The following DPCD variants were observed in gnomAD, a reference collection of about 807,000 sequenced individuals.
The protein encoded by DPCD is deleted in primary ciliary dyskinesia homolog (mouse), also known as protein DPCD.
A neutral mutation model predicts 26.4 loss-of-function variants in DPCD; 20 were observed. That is an observed-to-expected ratio of 0.76 (90% CI 0.53 to 1.10). DPCD has a LOEUF of 1.10. Ranked by LOEUF, DPCD falls within the 50% of genes least tolerant of loss-of-function variation. DPCD has a pLI of 0.00. For missense variants in DPCD, 202 were observed against 253.9 expected (o/e 0.80, Z 1.39); for synonymous variants, 97 against 94.2 (o/e 1.03, Z -0.17).
Position 101,588,329 on chromosome 10 carries a change from G to C in DPCD, c.-8G>C. 2 of 1,600,396 alleles carry C rather than the reference G, an allele frequency of 1.2e-6. No individual in the cohort carries two copies. On this transcript the variant is annotated 5_prime_UTR_variant, in exon 1 of 6. Transcript: ENST00000370151. ...CAGCGGCTGGGCGTGCTGCTTAGCA[G>C]GGGAAAGATGGCGGTGACGGGCTGG... is the stretch of plus-strand genomic sequence containing the variant.
rs1010968768 is a variant in DPCD, at chr10:101,603,634, G to A, written c.404+2298G>A. ...TAGCCAGGCGTGGTGGTGCATGCCT[G>A]TAGTCCCAGCTACTCGGGAGGCTGA... On this transcript the variant is annotated intron_variant, in intron 4 of 5. Coordinates refer to ENST00000370151, the MANE Select transcript of DPCD (RefSeq NM_015448.3). This position sits in a 1 kb window ranked among gnomAD's most constrained non-coding sequence, Gnocchi z 4.6. Among the ~76,000 whole-genome samples, 5 of 151,892 alleles carry A rather than the reference G, an allele frequency of 3.3e-5. No homozygotes were observed. The highest frequency in any genetic ancestry group is 7.4e-5 in the Non-Finnish European group (5 of 67,982).
intron 4 of DPCD, among the ~76,000 whole-genome samples, chr10:101,608,101 AT>A (rs747018005): frequency 1.2e-3 from 172 of 146,902 alleles, no homozygotes; most frequent in African/African-American, 2.5e-3. Context: ...CATCTGTTCT[AT>A]TTTTTTTTTT....
intron 2 of DPCD, among the ~76,000 whole-genome samples, chr10:101,595,101 T>A (rs2063641205): frequency 6.6e-6 from 1 of 152,180 alleles, no homozygotes; most frequent in Admixed American, 6.5e-5. Context: ...TTCCTTGTTT[T>A]TTTGTTTGTT....
Position 101,609,546 on chromosome 10 carries a change from C to A in DPCD, c.*75C>A. The stretch of plus-strand genomic sequence containing the variant: ...AAGGCTTGGCCCTTCTTGACCACGG[C>A]AGCCTCCTGTCTTCTAGGAGCTATC... On this transcript the variant is annotated 3_prime_UTR_variant, in exon 6 of 6. Transcript: ENST00000370151. 1.5e-6 allele frequency: 2 copies of A among 1,334,914 alleles called. No homozygotes were observed. The highest frequency in any genetic ancestry group is 2.1e-6 in the Non-Finnish European group (2 of 947,562). 82.7% of individuals were successfully genotyped at this position (1,334,914 alleles called of 1,614,324 possible). A position where few individuals can be genotyped will look rare whatever the true frequency, so the allele number is the denominator to read the frequency against.
At chr10:101,591,603 T>G (rs1422143367) in intron 1 of DPCD, among the ~76,000 whole-genome samples, 1 of 152,226 alleles carries the variant, frequency 6.6e-6, no homozygotes, top group Non-Finnish European at 1.5e-5. Flanking sequence ...TACTTTTGTT[T>G]TTTTAAGAAA....
At chr10:101,589,760 CG>C (rs2063572700) in intron 1 of DPCD, among the ~76,000 whole-genome samples, 2 of 152,054 alleles carry the variant, frequency 1.3e-5, no homozygotes, top group African/African-American at 4.8e-5. Flanking sequence ...GGTGCGCACC[CG>C]TAATTCCAGC....
chr10:101,608,994 T>G, intron 5 of DPCD, 57 bp downstream of exon 5: 1 of 1,403,940 alleles, frequency 7.1e-7, no homozygotes, highest in South Asian at 1.2e-5. Context: ...CCTCTTTCCC[T>G]GCCCACTTCC....
intron 3 of DPCD, 64 bp from the exon 4 acceptor site, chr10:101,601,139 T>C: frequency 1.2e-6 from 2 of 1,605,012 alleles, no homozygotes; most frequent in Non-Finnish European, 1.7e-6. Context: ...GGGGTAGCGC[T>C]CTGATGAGGG....
At chr10:101,608,988 T>A in intron 5 of DPCD, 51 bp downstream of exon 5, 1 of 1,444,000 alleles carries the variant, frequency 6.9e-7, no homozygotes, top group Non-Finnish European at 9.7e-7. Context: ...AGTCTTCCTC[T>A]TTCCCTGCCC....
At chr10:101,597,526 G>A (rs2063662409) in intron 2 of DPCD, among the ~76,000 whole-genome samples, 2 of 152,256 alleles carry the variant, frequency 1.3e-5, no homozygotes, top group South Asian at 4.1e-4. Context: ...GAAAGATGGG[G>A]CCTCCTTTCA....
At chr10:101,592,146 TA>T (rs1230346376) in intron 1 of DPCD, among the ~76,000 whole-genome samples, 23 of 152,144 alleles carry the variant, frequency 1.5e-4, no homozygotes, top group African/African-American at 5.5e-4. Flanking sequence ...AAGTATCGAA[TA>T]ATCATTGGGT....
intron 3 of DPCD, 77 bp from the exon 4 acceptor site, chr10:101,601,126 C>T (rs924210251): frequency 3.4e-5 from 54 of 1,590,206 alleles, no homozygotes; most frequent in Non-Finnish European, 4.6e-5. Context: ...CTTGTTGTGC[C>T]CCGGGGTAGC....
Position 101,594,704 on chromosome 10 carries a change from T to A in DPCD, c.111T>A (p.Ala37=). 1.2e-6 allele frequency: 2 copies of A among 1,614,128 alleles called. No individual in the cohort carries two copies. Among genetic ancestry groups the A allele is most frequent in the East Asian group, 2.2e-5 (1 of 44,876 alleles). The change falls in exon 2 of 6, where the codon GCT becomes GCA. Residue 37 remains alanine (A), a synonymous_variant. Transcript: ENST00000370151. ...TATTCCCAGACGGCAAGGAAATGGC[T>A]GAAGAATATGACGAGAAGACGAGTG... ...HYLFPDGKEM[A]EEYDEKTSEL... is the part of the protein sequence containing the mutation.
chr10:101,599,834 G>A (rs900359330), intron 2 of DPCD, among the ~76,000 whole-genome samples: 2 of 152,178 alleles, frequency 1.3e-5, no homozygotes, highest in African/African-American at 4.8e-5. Context: ...TACCATAGTG[G>A]GCAGCCCCGG....
intron 4 of DPCD, among the ~76,000 whole-genome samples, chr10:101,604,220 A>G (rs946597809): frequency 6.6e-6 from 1 of 152,198 alleles, no homozygotes; most frequent in African/African-American, 2.4e-5. Context: ...CCATACTTTT[A>G]TTCTTGTGTT....
At chr10:101,609,037 G>T in intron 5 of DPCD, 100 bp downstream of exon 5, 2 of 1,024,134 alleles carry the variant, frequency 2.0e-6, no homozygotes, top group Non-Finnish European at 3.0e-6. Flanking sequence ...CTAGCCCCAA[G>T]CCCTAGGGTA....
chr10:101,606,836 G>A (rs1288548666), intron 4 of DPCD, among the ~76,000 whole-genome samples: 1 of 152,118 alleles, frequency 6.6e-6, no homozygotes, highest in African/African-American at 2.4e-5. Flanking sequence ...GTGAGAAGGG[G>A]GTGGGCTTCC....
chr10:101,590,137 T>G (rs531010815), intron 1 of DPCD, among the ~76,000 whole-genome samples: 1 of 150,884 alleles, frequency 6.6e-6, no homozygotes, highest in South Asian at 2.1e-4. Context: ...AAAGAACAAC[T>G]CACATATAAG....
chr10:101,598,611 C>CTTTTTTTTTTTTTT (rs71016333), intron 2 of DPCD, among the ~76,000 whole-genome samples: 2 of 74,952 alleles, frequency 2.7e-5, no homozygotes, highest in Non-Finnish European at 4.8e-5. Flanking sequence ...TAGATGCTTT[C>CTTTTTTTTTTTTTT]TTTTTTTTTT....
Sources: allele counts gnomAD v4.1 joint callset (sites outside exome capture counted in the v4.1 genomes callset), GRCh38; gene constraint gnomAD v4.1.1; non-coding constraint Gnocchi (gnomAD v3.1); transcripts MANE v1.5; gene names NCBI Gene and HGNC (gene_info 2026-07-23, HGNC 2026-07-21).